LRRC4C: variants seen among roughly 807,000 people sequenced by gnomAD.
LRRC4C encodes the protein leucine-rich repeat-containing protein 4C.
In LRRC4C, 5 loss-of-function variants were observed where a neutral mutation model predicts 33.6. That is an observed-to-expected ratio of 0.15 (90% CI 0.08 to 0.31). The LOEUF is 0.31. Ranked by LOEUF, LRRC4C falls within the 10% of genes least tolerant of loss-of-function variation. LRRC4C has a pLI of 1.00. For synonymous variants in LRRC4C, 329 were observed against 302.0 expected, an observed-to-expected ratio of 1.09 and a Z score of -0.93; for missense variants, 560 against 796.7, an observed-to-expected ratio of 0.70 and a Z score of 3.58.
intron 3 of LRRC4C, among the ~76,000 whole-genome samples, chr11:40,539,146 C>G (rs1215476039): frequency 1.3e-5 from 2 of 152,134 alleles, no homozygotes; most frequent in Admixed American, 6.5e-5. Context: ...GCTAATGTGA[C>G]CCAAATTAAT....
At chr11:40,777,981 C>G (rs1950075338) in intron 2 of LRRC4C, among the ~76,000 whole-genome samples, 1 of 152,162 alleles carries the variant, frequency 6.6e-6, no homozygotes, top group South Asian at 2.1e-4. Context: ...AGCCACCGCT[C>G]CCGGCCAGAT....
At chr11:40,841,048 T>C (rs1007229787) in intron 2 of LRRC4C, among the ~76,000 whole-genome samples, 1 of 152,190 alleles carries the variant, frequency 6.6e-6, no homozygotes, top group Non-Finnish European at 1.5e-5. Context: ...TTAGAAAATA[T>C]AAAAAGAAAG....
chr11:40,665,499 C>G (rs958992909), intron 2 of LRRC4C, among the ~76,000 whole-genome samples: 1 of 150,742 alleles, frequency 6.6e-6, no homozygotes, highest in Non-Finnish European at 1.5e-5. Flanking sequence ...ATTTTTGGCA[C>G]AATGAGTCCT....
At chr11:40,726,263 G>A (rs11828780) in intron 2 of LRRC4C, among the ~76,000 whole-genome samples, 67,713 of 151,580 alleles carry the variant, frequency 0.45, 16,049 homozygotes, top group African/African-American at 0.58. Context: ...AACTATTCCA[G>A]AAAAATCAAG....
chr11:40,270,835 T>C (rs556681960), intron 4 of LRRC4C, among the ~76,000 whole-genome samples: 11 of 152,304 alleles, frequency 7.2e-5, no homozygotes, highest in African/African-American at 2.2e-4. Flanking sequence ...TTGACTGTTT[T>C]TAGGCAGAAT....
chr11:40,727,386 CCT>C (rs1273408129), intron 2 of LRRC4C, among the ~76,000 whole-genome samples: 3 of 152,042 alleles, frequency 2.0e-5, no homozygotes, highest in African/African-American at 4.8e-5. Context: ...AAAAAGAACC[CCT>C]GTTTTTCACC....
intron 1 of LRRC4C, among the ~76,000 whole-genome samples, chr11:40,986,935 C>T (rs1853057741): frequency 6.6e-6 from 1 of 152,188 alleles, no homozygotes; most frequent in Admixed American, 6.5e-5. Context: ...AAAGGCAAAA[C>T]CAATGACTAC....
chr11:41,207,995 G>A (rs1946668917), intron 1 of LRRC4C, among the ~76,000 whole-genome samples: 1 of 152,192 alleles, frequency 6.6e-6, no homozygotes, highest in Non-Finnish European at 1.5e-5. Flanking sequence ...GCAGAAATAT[G>A]TACATTAAGG....
chr11:41,051,835 C>G (rs1858253241), intron 1 of LRRC4C, among the ~76,000 whole-genome samples: 1 of 152,060 alleles, frequency 6.6e-6, no homozygotes, highest in Non-Finnish European at 1.5e-5. Context: ...AGGCCAATAG[C>G]ACAGCATGCT....
intron 2 of LRRC4C, among the ~76,000 whole-genome samples, chr11:40,918,122 C>A (rs947072515): frequency 1.3e-5 from 2 of 152,088 alleles, no homozygotes; most frequent in Admixed American, 6.6e-5. Context: ...AAAGCTTTAT[C>A]TTTCACTAAG....
At chr11:40,769,508 C>G (rs1949649126) in intron 2 of LRRC4C, among the ~76,000 whole-genome samples, 1 of 151,984 alleles carries the variant, frequency 6.6e-6, no homozygotes, top group South Asian at 2.1e-4. Context: ...CCACAAAAGA[C>G]CTATAATAGC....
At chr11:40,224,998 A>G (rs1400092686) in intron 5 of LRRC4C, among the ~76,000 whole-genome samples, 1 of 152,236 alleles carries the variant, frequency 6.6e-6, no homozygotes, top group Non-Finnish European at 1.5e-5. Flanking sequence ...ATAAGCTGCT[A>G]TATAGACCAC....
chr11:40,508,365 TAGAC>T (rs1431216227), intron 3 of LRRC4C, among the ~76,000 whole-genome samples: 2 of 152,086 alleles, frequency 1.3e-5, no homozygotes, highest in East Asian at 3.9e-4. Flanking sequence ...AAAACAGAGG[TAGAC>T]AGAAGGCTTG....
In LRRC4C at chr11:40,192,364, G is replaced by T. The variant is rs192976204; in HGVS notation, c.-96+49155C>A. Among the ~76,000 whole-genome samples, 16 of 152,254 alleles carry T rather than the reference G, an allele frequency of 1.1e-4. 1 individual carries two copies. In the East Asian group the frequency reaches 2.9e-3, roughly 28 times the overall value. On this transcript the variant is annotated intron_variant, in intron 5 of 6. Transcript: ENST00000528697. The stretch of plus-strand genomic sequence containing the variant: ...ATCGCCTCACCCAGGAAGCACAAAG[G>T]GTTGGGGAACTCCCTCCCCTAGCCA...
chr11:40,830,278 A>G (rs1373281949), intron 2 of LRRC4C, among the ~76,000 whole-genome samples: 1 of 152,100 alleles, frequency 6.6e-6, no homozygotes, highest in Admixed American at 6.6e-5. Context: ...TTCTTTCTCA[A>G]CTTTCCACTT....
intron 1 of LRRC4C, among the ~76,000 whole-genome samples, chr11:41,096,860 G>C (rs1489807875): frequency 6.6e-6 from 1 of 152,182 alleles, no homozygotes; most frequent in African/African-American, 2.4e-5. Context: ...CTACAGGACT[G>C]TTGTACTCCC....
intron 2 of LRRC4C, among the ~76,000 whole-genome samples, chr11:40,739,007 T>TTA (rs1564997094): frequency 2.5e-4 from 37 of 149,082 alleles, no homozygotes; most frequent in Non-Finnish European, 4.4e-4. Flanking sequence ...ATAATTGCTA[T>TTA]TGTGTGTGTG....
At chr11:40,253,476 A>T (rs1234941264) in intron 4 of LRRC4C, among the ~76,000 whole-genome samples, 1 of 152,188 alleles carries the variant, frequency 6.6e-6, no homozygotes, top group Non-Finnish European at 1.5e-5. Flanking sequence ...TTGTTACTCA[A>T]TCTCAATAAG....
Position 40,466,671 on chromosome 11 carries a change from T to A in LRRC4C, c.-269-146950A>T, listed in dbSNP as rs139253961. 3.3e-5 allele frequency among the ~76,000 whole-genome samples: 5 copies of A among 152,104 alleles called. No homozygotes were observed. In the East Asian group the frequency reaches 9.7e-4, roughly 29 times the overall value. On this transcript the variant is annotated intron_variant, in intron 3 of 6. Coordinates refer to ENST00000528697, the MANE Select transcript of LRRC4C (RefSeq NM_001258419.2). ...GAAGATAATAATTGTGTAATATGAT[T>A]AGAATTTGAATCCAGCTCTTAATGA...
Sources: gnomAD v4.1 joint callset for allele counts (sites outside exome capture counted in the v4.1 genomes callset) on GRCh38, gnomAD v4.1.1 for gene constraint, MANE v1.5 for transcripts, NCBI Gene and HGNC (gene_info 2026-07-23, HGNC 2026-07-21) for gene names.